KLHL32: variants seen among roughly 807,000 people sequenced by gnomAD.
KLHL32 encodes kelch like family member 32.
In KLHL32, 35 loss-of-function variants were observed where a neutral mutation model predicts 64.8. The observed-to-expected ratio is 0.54, with a 90% CI of 0.41 to 0.72. The LOEUF (loss-of-function observed/expected upper bound fraction) is 0.72. Among genes scored for constraint, KLHL32 ranks in the 30% least tolerant of loss-of-function variants. The pLI, the probability that KLHL32 is intolerant of heterozygous loss-of-function variation, is 0.00. For missense variants in KLHL32, 589 were observed against 768.5 expected (o/e 0.77, Z 2.76); for synonymous variants, 259 against 281.0 (o/e 0.92, Z 0.78).
intron 7 of KLHL32, 90 bp from the exon 8 acceptor site, chr6:97,127,314 C>G: frequency 9.5e-7 from 1 of 1,051,760 alleles, no homozygotes; most frequent in Non-Finnish European, 1.5e-6. Context: ...TCAGCAGTAG[C>G]TAATTCTCCT....
rs530411832 is a variant in KLHL32, at chr6:96,968,390, A to C, written c.23+1307A>C. Among the ~76,000 whole-genome samples, 171 of 151,548 alleles carry C rather than the reference A, an allele frequency of 1.1e-3. 1 individual carries two copies. The highest frequency in any genetic ancestry group is 4.0e-3 in the African/African-American group (165 of 41,058). ...CAAAAAACAAAAAACAAAAACAAAA[A>C]CAAAAAAAAAAACATCTAGCCCAAA... On this transcript the variant is annotated intron_variant, in intron 2 of 10. Coordinates refer to ENST00000369261, the MANE Select transcript of KLHL32 (RefSeq NM_052904.4).
chr6:96,910,028 T>C, the KLHL32 span, among the ~76,000 whole-genome samples: 1 of 152,108 alleles, frequency 6.6e-6, no homozygotes, highest in Non-Finnish European at 1.5e-5. Flanking sequence ...ACACAGCCAG[T>C]TTTGGAGGTG....
chr6:96,971,293 C>T (rs1003908418), intron 2 of KLHL32, among the ~76,000 whole-genome samples: 9 of 152,130 alleles, frequency 5.9e-5, no homozygotes, highest in Non-Finnish European at 1.0e-4. Flanking sequence ...ACTGACAGAA[C>T]TTAGTCAAAA....
chr6:97,127,455 C>T lies in KLHL32; in HGVS notation c.1406C>T (p.Pro469Leu). Residue 469 changes from proline (P) to leucine (L), a missense_variant, in exon 8 of 11, where the codon CCT (proline) becomes CTT (leucine). Transcript: ENST00000369261. ...CAGAACAGGCTAATGGTGTATGAAC[C>T]TAACCAGGTAAGAATCATGTAAGAA... ...QYQNRLMVYE[P>L]NQNKWISRSP... The T allele has an allele frequency of 3.1e-6, 5 of 1,611,888 alleles. No homozygotes were observed. The highest frequency in any genetic ancestry group is 4.2e-6 in the Non-Finnish European group (5 of 1,178,254).
intron 2 of KLHL32, among the ~76,000 whole-genome samples, chr6:96,975,386 GTTC>G (rs1235596654): frequency 6.6e-6 from 1 of 152,162 alleles, no homozygotes; most frequent in Non-Finnish European, 1.5e-5. Context: ...TCCTTTTGAT[GTTC>G]TTATGGTGCA....
chr6:96,910,507 A>G, the KLHL32 span, among the ~76,000 whole-genome samples: 1 of 152,230 alleles, frequency 6.6e-6, no homozygotes, highest in African/African-American at 2.4e-5. Context: ...GAGCAGTATC[A>G]TTATCACTTG....
intron 3 of KLHL32, among the ~76,000 whole-genome samples, chr6:97,002,632 C>CA (rs1256939873): frequency 6.6e-6 from 1 of 152,134 alleles, no homozygotes; most frequent in Non-Finnish European, 1.5e-5. Context: ...TCCAACCCTC[C>CA]ACTCTCAAGT....
chr6:97,024,948 T>G, intron 3 of KLHL32: 1 of 964,848 alleles, frequency 1.0e-6, no homozygotes, highest in East Asian at 1.1e-4. Context: ...ACTTTTATGC[T>G]GTTTTATTTA....
chr6:96,907,527 G>A, the KLHL32 span, among the ~76,000 whole-genome samples: 1 of 152,120 alleles, frequency 6.6e-6, no homozygotes, highest in Non-Finnish European at 1.5e-5. Flanking sequence ...GAGTAATAAA[G>A]TCATAATGTG....
rs980689895 is a variant in KLHL32 at position 96,993,503 on chromosome 6, C to G, written c.204+17326C>G. 5.3e-5 allele frequency among the ~76,000 whole-genome samples: 8 copies of G among 152,308 alleles called. No homozygotes were observed. The East Asian group carries it at 1.5e-3, about 29-fold the overall frequency. ...TTGGGTCTTGTTTGCTAATGTCCCCCCTGCTGGCCGAGCAAGTCAGATGGC... is the reference window on the plus strand; with the variant it reads ...TTGGGTCTTGTTTGCTAATGTCCCCGCTGCTGGCCGAGCAAGTCAGATGGC... On this transcript the variant is annotated intron_variant, in intron 3 of 10. Transcript: ENST00000369261.
chr6:97,053,639 CTA>C (rs1301969917), intron 4 of KLHL32, among the ~76,000 whole-genome samples: 1 of 151,852 alleles, frequency 6.6e-6, no homozygotes, highest in African/African-American at 2.4e-5. Flanking sequence ...GCCCATATGT[CTA>C]TGTGATTTTA....
At chr6:96,916,826 T>C in the KLHL32 span, among the ~76,000 whole-genome samples, 1 of 152,236 alleles carries the variant, frequency 6.6e-6, no homozygotes, top group East Asian at 1.9e-4. Context: ...CTATTTATTC[T>C]TTCCTTCCTA....
At chr6:96,910,115 C>T in the KLHL32 span, among the ~76,000 whole-genome samples, 4 of 152,078 alleles carry the variant, frequency 2.6e-5, no homozygotes, top group South Asian at 2.1e-4. Flanking sequence ...CTGTAGCTGC[C>T]GCCCACATTT....
In KLHL32 at chr6:97,136,077, A is replaced by G. The variant is rs554656932; in HGVS notation, c.1702-3044A>G. ...AAATTTTTTGTGTCGTCAGTCACAA[A>G]TCTGTATATTTGATCCAAGATTAAT... On this transcript the variant is annotated intron_variant, in intron 10 of 10. Transcript: ENST00000369261. 4.6e-5 allele frequency among the ~76,000 whole-genome samples: 7 copies of G among 152,310 alleles called. No homozygotes were observed. In the South Asian group the frequency reaches 1.5e-3, roughly 32 times the overall value.
chr6:97,125,845 A>G (rs1798814524), intron 7 of KLHL32, among the ~76,000 whole-genome samples: 1 of 152,200 alleles, frequency 6.6e-6, no homozygotes, highest in Non-Finnish European at 1.5e-5. Flanking sequence ...TTCCTTGATG[A>G]TTACATTTCA....
chr6:97,057,481 C>CGA lies in KLHL32; in HGVS notation c.313-7145_313-7144dup, dbSNP rs1788171270. On this transcript the variant is annotated intron_variant, in intron 4 of 10. Transcript: ENST00000369261. ...ACAGGCGTGAGCCACCGCGCCCGGCCGAGTATCTTTTTATATGCTTATTTG... is the reference window on the plus strand; with the variant it reads ...ACAGGCGTGAGCCACCGCGCCCGGCCGAGAGTATCTTTTTATATGCTTATTTG... Among the ~76,000 whole-genome samples the CGA allele has an allele frequency of 2.2e-5, 2 of 89,158 alleles. 1 individual carries two copies. Among genetic ancestry groups the CGA allele is most frequent in the African/African-American group, 1.4e-4 (2 of 13,900 alleles). 58.5% of individuals were successfully genotyped at this position (89,158 alleles called of 152,430 possible).
At chr6:96,956,461 C>T (rs1316289820) in intron 1 of KLHL32, among the ~76,000 whole-genome samples, 1 of 152,202 alleles carries the variant, frequency 6.6e-6, no homozygotes, top group African/African-American at 2.4e-5. Context: ...GTACAGGTTT[C>T]TCATTTTACA....
At chr6:96,985,067 G>T (rs890908799) in intron 3 of KLHL32, among the ~76,000 whole-genome samples, 1 of 152,086 alleles carries the variant, frequency 6.6e-6, no homozygotes, top group Admixed American at 6.6e-5. Flanking sequence ...GGCAGGCCTG[G>T]TGGTGACAAA....
At chr6:97,134,728 TGAG>T (rs1413884873) in intron 10 of KLHL32, among the ~76,000 whole-genome samples, 1 of 152,166 alleles carries the variant, frequency 6.6e-6, no homozygotes, top group African/African-American at 2.4e-5. Context: ...CATAACATAA[TGAG>T]GAAATAAAGA....
Sources: gnomAD v4.1 joint callset for allele counts (sites outside exome capture counted in the v4.1 genomes callset) on GRCh38, gnomAD v4.1.1 for gene constraint, MANE v1.5 for transcripts, NCBI Gene and HGNC (gene_info 2026-07-23, HGNC 2026-07-21) for gene names.